PAK5: variants seen among roughly 807,000 people sequenced by gnomAD.
PAK5 encodes the protein p21 (RAC1) activated kinase 5.
In PAK5, 16 loss-of-function variants were observed where a neutral mutation model predicts 65.9. The observed-to-expected ratio is 0.24, with a 90% CI of 0.16 to 0.37. PAK5 has a LOEUF of 0.37. PAK5 is among the 10% of genes least tolerant of loss of function. PAK5 has a pLI of 1.00. For synonymous variants in PAK5, 371 were observed against 354.9 expected, an observed-to-expected ratio of 1.05 and a Z score of -0.51; for missense variants, 785 against 903.9, an observed-to-expected ratio of 0.87 and a Z score of 1.69.
chr20:9,567,964 G>A (rs908357831), intron 4 of PAK5, among the ~76,000 whole-genome samples: 4 of 152,182 alleles, frequency 2.6e-5, no homozygotes, highest in African/African-American at 7.2e-5. Context: ...CCTAGGAGGG[G>A]TGGTTTGGGC....
intron 2 of PAK5, among the ~76,000 whole-genome samples, chr20:9,683,634 C>G (rs78441708): frequency 0.025 from 3,782 of 152,264 alleles, 99 homozygotes; most frequent in African/African-American, 0.065. Context: ...TCCCTTGTAT[C>G]TAGGCACTGG....
At chr20:9,722,926 A>T (rs1192067016) in intron 1 of PAK5, among the ~76,000 whole-genome samples, 1 of 152,044 alleles carries the variant, frequency 6.6e-6, no homozygotes, top group East Asian at 2.0e-4. Flanking sequence ...TAGTGGAGAC[A>T]GGGTTTCCCA....
intron 1 of PAK5, among the ~76,000 whole-genome samples, chr20:9,715,178 A>T (rs1203032048): frequency 4.6e-5 from 7 of 152,168 alleles, no homozygotes; most frequent in Non-Finnish European, 8.8e-5. Context: ...CAATCTACAA[A>T]GAACTCAAAC....
chr20:9,832,383 T>C (rs373064057), intron 1 of PAK5, among the ~76,000 whole-genome samples: 8 of 152,186 alleles, frequency 5.3e-5, no homozygotes, highest in African/African-American at 9.6e-5. Context: ...AGTGATTCTC[T>C]TGCCTCAGCC....
chr20:9,786,754 C>T (rs1166239042), intron 1 of PAK5, among the ~76,000 whole-genome samples: 1 of 152,086 alleles, frequency 6.6e-6, no homozygotes, highest in Non-Finnish European at 1.5e-5. Flanking sequence ...TAAAATCGAA[C>T]TCTTGGGTTT....
At chr20:9,725,670 T>C (rs1195513083) in intron 1 of PAK5, among the ~76,000 whole-genome samples, 1 of 152,138 alleles carries the variant, frequency 6.6e-6, no homozygotes, top group Non-Finnish European at 1.5e-5. Flanking sequence ...TTCTTACAGA[T>C]TTGACACAAA....
intron 1 of PAK5, among the ~76,000 whole-genome samples, chr20:9,802,046 C>T (rs1600390414): frequency 6.6e-6 from 1 of 152,134 alleles, no homozygotes; most frequent in Non-Finnish European, 1.5e-5. Context: ...ATAAAAAATG[C>T]TTCTTAGGAC....
At chr20:9,544,751 T>A (rs1401939007) in intron 7 of PAK5, among the ~76,000 whole-genome samples, 2 of 152,150 alleles carry the variant, frequency 1.3e-5, no homozygotes, top group African/African-American at 4.8e-5. Flanking sequence ...TATAAAATGA[T>A]GGAACAACAA....
chr20:9,651,174 T>A (rs965937021), intron 2 of PAK5, among the ~76,000 whole-genome samples: 14 of 152,190 alleles, frequency 9.2e-5, no homozygotes, highest in African/African-American at 3.4e-4. Context: ...GGCAACTGGC[T>A]TTGCCTCCTT....
intron 1 of PAK5, among the ~76,000 whole-genome samples, chr20:9,823,287 A>C (rs2049444890): frequency 6.6e-6 from 1 of 152,152 alleles, no homozygotes; most frequent in Non-Finnish European, 1.5e-5. Context: ...TAGAACTATG[A>C]GAAATAAATT....
intron 1 of PAK5, among the ~76,000 whole-genome samples, chr20:9,758,969 G>C (rs1205130230): frequency 1.3e-5 from 2 of 152,038 alleles, no homozygotes; most frequent in African/African-American, 4.8e-5. Flanking sequence ...TTCCAGGTCT[G>C]CTCTCCAAAG....
intron 1 of PAK5, among the ~76,000 whole-genome samples, chr20:9,723,812 C>G (rs897355614): frequency 6.6e-6 from 1 of 151,866 alleles, no homozygotes; most frequent in Non-Finnish European, 1.5e-5. Context: ...TCTAGTCCAC[C>G]CACTGCAGTT....
intron 4 of PAK5, among the ~76,000 whole-genome samples, chr20:9,576,389 G>A (rs532705159): frequency 6.6e-6 from 1 of 152,242 alleles, no homozygotes; most frequent in East Asian, 1.9e-4. Flanking sequence ...CAGGACATTT[G>A]GCAGTGTCTG....
intron 1 of PAK5, among the ~76,000 whole-genome samples, chr20:9,739,242 T>TTTA (rs1555919744): frequency 1.3e-5 from 2 of 151,420 alleles, no homozygotes; most frequent in African/African-American, 2.4e-5. Flanking sequence ...TTTTTTTTTT[T>TTTA]AAATCACAGC....
chr20:9,745,109 T>A (rs2048491377), intron 1 of PAK5, among the ~76,000 whole-genome samples: 1 of 152,126 alleles, frequency 6.6e-6, no homozygotes, highest in Non-Finnish European at 1.5e-5. Flanking sequence ...AGAACATATA[T>A]TACAAAGCTA....
At chr20:9,803,081 A>C (rs754703664) in intron 1 of PAK5, among the ~76,000 whole-genome samples, 6 of 151,642 alleles carry the variant, frequency 4.0e-5, no homozygotes, top group Non-Finnish European at 7.4e-5. Flanking sequence ...ACCTGAAGAC[A>C]CTATTATTTG....
intron 1 of PAK5, among the ~76,000 whole-genome samples, chr20:9,760,848 A>T (rs968923904): frequency 3.3e-5 from 5 of 151,478 alleles, no homozygotes; most frequent in African/African-American, 4.8e-5. Flanking sequence ...ATTTTTTTGT[A>T]TTTTTAGTAG....
intron 3 of PAK5, among the ~76,000 whole-genome samples, chr20:9,622,180 C>T (rs945703177): frequency 2.7e-5 from 4 of 145,852 alleles, no homozygotes; most frequent in Non-Finnish European, 6.0e-5. Context: ...GAAAGCAAAA[C>T]ATGATCATAT....
intron 2 of PAK5, among the ~76,000 whole-genome samples, chr20:9,685,629 T>A (rs944514993): frequency 6.6e-6 from 1 of 152,214 alleles, no homozygotes; most frequent in African/African-American, 2.4e-5. Context: ...ATAAATTTCA[T>A]AAATTTCTGT....
Sources: gnomAD v4.1 joint callset for allele counts (sites outside exome capture counted in the v4.1 genomes callset) on GRCh38, gnomAD v4.1.1 for gene constraint, MANE v1.5 for transcripts, NCBI Gene and HGNC (gene_info 2026-07-23, HGNC 2026-07-21) for gene names.